The following ACER2 variants were observed in gnomAD, a reference collection of about 807,000 sequenced individuals.
The protein encoded by ACER2 is alkCDase 2.
Under a neutral mutation model 34.7 loss-of-function variants are expected in ACER2, and 26 were observed. The ratio of observed to expected loss-of-function variants is 0.75; its 90% CI spans 0.55 to 1.04. The LOEUF (loss-of-function observed/expected upper bound fraction) is 1.04, where lower values mean the gene tolerates loss of function less well. Ranked by LOEUF, ACER2 falls within the 50% of genes least tolerant of loss-of-function variation. The pLI is 0.00. For synonymous variants in ACER2, 138 were observed against 132.1 expected (o/e 1.04, Z -0.31); for missense variants, 352 against 340.8 (o/e 1.03, Z -0.26).
intron 4 of ACER2, among the ~76,000 whole-genome samples, chr9:19,442,576 G>A (rs1170972974): frequency 6.6e-5 from 10 of 152,128 alleles, no homozygotes; most frequent in African/African-American, 2.4e-4. Context: ...ACTAACGGCC[G>A]GGCACCTCCC....
At chr9:19,411,211 C>A (rs959685683) in intron 1 of ACER2, among the ~76,000 whole-genome samples, 2 of 152,190 alleles carry the variant, frequency 1.3e-5, no homozygotes, top group Non-Finnish European at 2.9e-5. Flanking sequence ...CATTGTCTGG[C>A]TGATGAGCCC....
chr9:19,442,126 CA>C (rs1831175355), intron 4 of ACER2, among the ~76,000 whole-genome samples: 1 of 152,124 alleles, frequency 6.6e-6, no homozygotes, highest in South Asian at 2.1e-4. Context: ...CATGACCTGA[CA>C]CTGAAATTGG....
chr9:19,433,469 G>C (rs1246146234), intron 3 of ACER2, among the ~76,000 whole-genome samples: 1 of 151,912 alleles, frequency 6.6e-6, no homozygotes, highest in African/African-American at 2.4e-5. Context: ...ACAGGGTTGG[G>C]GGTAAGGTCA....
At chr9:19,433,940 C>G (rs575052295) in intron 3 of ACER2, among the ~76,000 whole-genome samples, 3 of 151,444 alleles carry the variant, frequency 2.0e-5, no homozygotes, top group Non-Finnish European at 2.9e-5. Flanking sequence ...GGCGGCTGGC[C>G]GGGCAGGGGG....
intron 3 of ACER2, among the ~76,000 whole-genome samples, chr9:19,433,463 G>A (rs1447409352): frequency 6.6e-6 from 1 of 151,898 alleles, no homozygotes; most frequent in African/African-American, 2.4e-5. Flanking sequence ...GAGAGCACAG[G>A]GTTGGGGGTA....
chr9:19,413,943 T>C (rs1031145451), intron 1 of ACER2, among the ~76,000 whole-genome samples: 1 of 152,220 alleles, frequency 6.6e-6, no homozygotes, highest in African/African-American at 2.4e-5. Flanking sequence ...AACTGTGTGC[T>C]TATTCCAGAG....
At chr9:19,411,844 T>C (rs927760538) in intron 1 of ACER2, among the ~76,000 whole-genome samples, 4 of 152,238 alleles carry the variant, frequency 2.6e-5, no homozygotes, top group South Asian at 4.1e-4. Flanking sequence ...CAGATACTAC[T>C]GTCTACCATT....
rs974425480 is a variant in ACER2, at chr9:19,423,979, A to G, written c.223+3A>G. The G allele has an allele frequency of 1.2e-6, 2 of 1,604,058 alleles. No homozygotes were observed. Among genetic ancestry groups the G allele is most frequent in the South Asian group, 1.1e-5 (1 of 90,864 alleles). ...CTGGACTCTTTTGGTTGTAGTGGGT[A>G]AGTGGAGTCATTTGGGAACACGGAC... On this transcript the variant is annotated splice_donor_region_variant and intron_variant, in intron 2 of 5. Transcript: ENST00000340967.
intron 1 of ACER2, among the ~76,000 whole-genome samples, chr9:19,418,364 T>G (rs1039536241): frequency 6.6e-6 from 1 of 152,194 alleles, no homozygotes; most frequent in East Asian, 1.9e-4. Context: ...CCCAAAGGAT[T>G]ATAAATCATT....
intron 3 of ACER2, among the ~76,000 whole-genome samples, chr9:19,430,455 T>G (rs1830717382): frequency 6.6e-6 from 1 of 152,166 alleles, no homozygotes; most frequent in Admixed American, 6.5e-5. Context: ...GGCCTCTTAC[T>G]CCTGGATATT....
intron 1 of ACER2, among the ~76,000 whole-genome samples, chr9:19,411,350 A>AGAAT (rs111680669): frequency 0.033 from 4,998 of 152,024 alleles, 213 homozygotes; most frequent in African/African-American, 0.094. Flanking sequence ...GTAGGTCCAA[A>AGAAT]GAATTTAGCA....
chr9:19,443,650 T>C (rs1831234502), intron 4 of ACER2, among the ~76,000 whole-genome samples: 1 of 151,950 alleles, frequency 6.6e-6, no homozygotes, highest in South Asian at 2.1e-4. Context: ...TCTAGGCTAG[T>C]TTGTTTGTTT....
rs1428984254 is a variant in ACER2 at position 19,424,710 on chromosome 9, C to T, written c.234C>T (p.Ser78=). 2.9e-5 allele frequency: 47 copies of T among 1,613,220 alleles called. No individual in the cohort carries two copies. Among genetic ancestry groups the T allele is most frequent in the Non-Finnish European group, 3.7e-5 (44 of 1,179,934 alleles). ...WTLLVVVGIG[S]VYFHATLSFL... ...TGTAATTGATTCTAGGAATTGGATC[C>T]GTCTACTTCCATGCAACCCTTAGTT... Residue 78 remains serine, a synonymous_variant, in exon 3 of 6, where the codon TCC becomes TCT. Transcript: ENST00000340967.
At chr9:19,423,505 C>T (rs1436223785) in intron 1 of ACER2, among the ~76,000 whole-genome samples, 2 of 152,128 alleles carry the variant, frequency 1.3e-5, no homozygotes, top group Non-Finnish European at 2.9e-5. Context: ...GTTCCGAGAC[C>T]AGCCCGGCCA....
intron 1 of ACER2, among the ~76,000 whole-genome samples, chr9:19,410,246 T>C (rs1830048346): frequency 6.6e-6 from 1 of 152,204 alleles, no homozygotes; most frequent in Admixed American, 6.5e-5. Flanking sequence ...CTTTTATTCA[T>C]CTGATGAGAA....
chr9:19,417,982 A>G (rs1246308978), intron 1 of ACER2, among the ~76,000 whole-genome samples: 1 of 152,224 alleles, frequency 6.6e-6, no homozygotes, highest in African/African-American at 2.4e-5. Context: ...TAAATCTACA[A>G]GGAACTTAAA....
chr9:19,446,193 G>A (rs1831353740), intron 4 of ACER2, 88 bp from the exon 5 acceptor site: 1 of 1,591,244 alleles, frequency 6.3e-7, no homozygotes, highest in Non-Finnish European at 8.6e-7. Flanking sequence ...GGCATGAGAG[G>A]AACCAGCGAA....
rs1831554241 is a variant in ACER2 at position 19,451,054 on chromosome 9, A to G, written c.*418A>G. On this transcript the variant is annotated 3_prime_UTR_variant, in exon 6 of 6. Transcript: ENST00000340967. Reference sequence around the variant, plus strand: ...GTCTATTCCTTTCCCAAAGATGGAAAATGGAGGGCTTAGGGACACTAGATG... The same window carrying G: ...GTCTATTCCTTTCCCAAAGATGGAAGATGGAGGGCTTAGGGACACTAGATG... The G allele has an allele frequency of 6.5e-6, 1 of 154,536 alleles. No individual in the cohort carries two copies. The highest frequency in any genetic ancestry group is 2.4e-5 in the African/African-American group (1 of 41,482). 9.6% of individuals were successfully genotyped at this position (154,536 alleles called of 1,614,324 possible). A position where few individuals can be genotyped will look rare whatever the true frequency, so the allele number is the denominator to read the frequency against.
chr9:19,449,966 A>G (rs1482727764), intron 5 of ACER2, among the ~76,000 whole-genome samples: 2 of 152,184 alleles, frequency 1.3e-5, no homozygotes, highest in Admixed American at 1.3e-4. Flanking sequence ...ATAAATTTAA[A>G]ACTTTGTACA....
Sources: allele counts gnomAD v4.1 joint callset (sites outside exome capture counted in the v4.1 genomes callset), GRCh38; gene constraint gnomAD v4.1.1; transcripts MANE v1.5; gene names NCBI Gene and HGNC (gene_info 2026-07-23, HGNC 2026-07-21).